ROR2: variants seen among roughly 807,000 people sequenced by gnomAD.
ROR2 encodes the protein ROR family WNT receptor 2, also known as tyrosine-protein kinase transmembrane receptor ROR2.
Under a neutral mutation model 74.9 loss-of-function variants are expected in ROR2, and 33 were observed. The ratio of observed to expected loss-of-function variants is 0.44; its 90% CI spans 0.33 to 0.59. The LOEUF (loss-of-function observed/expected upper bound fraction) is 0.59, where lower values mean the gene tolerates loss of function less well. Among genes scored for constraint, ROR2 ranks in the 20% least tolerant of loss-of-function variants. The pLI is 0.02. For missense variants in ROR2, 1,216 were observed against 1,313.8 expected (o/e 0.93, Z 1.15); for synonymous variants, 586 against 558.7 (o/e 1.05, Z -0.69).
chr9:91,756,419 C>T (rs558464550), intron 3 of ROR2, among the ~76,000 whole-genome samples: 6 of 152,174 alleles, frequency 3.9e-5, no homozygotes, highest in African/African-American at 4.8e-5. Flanking sequence ...GTGGCAGGGC[C>T]GGGGCGTTTG....
At chr9:91,749,148 C>A (rs1825527849) in intron 4 of ROR2, among the ~76,000 whole-genome samples, 1 of 152,158 alleles carries the variant, frequency 6.6e-6, no homozygotes, top group Non-Finnish European at 1.5e-5. Context: ...AATTCTAATA[C>A]AAAGATATAA....
intron 4 of ROR2, among the ~76,000 whole-genome samples, chr9:91,745,010 A>C (rs1022090446): frequency 2.6e-5 from 4 of 152,182 alleles, no homozygotes; most frequent in African/African-American, 9.7e-5. Context: ...GAAACAAAAC[A>C]ACCTAAAGCG....
intron 1 of ROR2, among the ~76,000 whole-genome samples, chr9:91,836,669 G>C (rs970841608): frequency 6.6e-6 from 1 of 152,246 alleles, no homozygotes; most frequent in Admixed American, 6.5e-5. Flanking sequence ...CCCCGGTCTG[G>C]GGGCTGTGCC....
In ROR2 at chr9:91,723,200, C is replaced by CGATGAAGCAGAAATGAG. The variant is rs1392330403; in HGVS notation, c.*461_*462insCTCATTTCTGCTTCATC. On this transcript the variant is annotated 3_prime_UTR_variant, in exon 9 of 9. Transcript: ENST00000375708. ...GCAGGGAGGCAGCAGAAATGGAGCCCCTTCATCCTCAAACCAACAGACCAG... is the reference window on the plus strand; with the variant it reads ...GCAGGGAGGCAGCAGAAATGGAGCCCGATGAAGCAGAAATGAGCTTCATCCTCAAACCAACAGACCAG... 158 of 165,274 alleles carry CGATGAAGCAGAAATGAG rather than the reference C, an allele frequency of 9.6e-4. No individual in the cohort carries two copies. In the East Asian group the frequency reaches 0.016, roughly 17 times the overall value. 10.2% of individuals were successfully genotyped at this position (165,274 alleles called of 1,614,324 possible).
At chr9:91,929,876 C>A (rs1831506191) in intron 1 of ROR2, among the ~76,000 whole-genome samples, 2 of 152,044 alleles carry the variant, frequency 1.3e-5, no homozygotes, top group Admixed American at 1.3e-4. Context: ...CAGAGTTTTC[C>A]CCGGGACCTG....
At chr9:91,945,427 C>A (rs927219999) in intron 1 of ROR2, among the ~76,000 whole-genome samples, 4 of 152,170 alleles carry the variant, frequency 2.6e-5, no homozygotes, top group Non-Finnish European at 4.4e-5. Flanking sequence ...AACCCTCCCC[C>A]ACTCCAGGAG....
chr9:91,892,712 C>T (rs1048500889), intron 1 of ROR2, among the ~76,000 whole-genome samples: 1 of 151,630 alleles, frequency 6.6e-6, no homozygotes, highest in Non-Finnish European at 1.5e-5. Flanking sequence ...GCCTCAGCCC[C>T]CTGAGTAGCT....
chr9:91,893,774 C>T (rs999634913), intron 1 of ROR2, among the ~76,000 whole-genome samples: 1 of 152,100 alleles, frequency 6.6e-6, no homozygotes, highest in African/African-American at 2.4e-5. Flanking sequence ...CCATCCAATC[C>T]GAGCCACCAT....
At position 91,723,845 on chromosome 9, in the gene ROR2, C is replaced by G. The variant is rs373037095; in HGVS notation, c.2649G>C (p.Met883Ile). ...YVTTAPSNTS[M>I]ADRAALLSEG... The stretch of plus-strand genomic sequence containing the variant: ...CTGAGAGCAGGGCTGCCCTGTCTGC[C>G]ATGGATGTGTTGGAGGGGGCCGTGG... The change falls in exon 9 of 9, where the codon ATG becomes ATC. Residue 883 changes from methionine (M) to isoleucine (I), a missense_variant. By Grantham distance (10) the Met-to-Ile change is conservative. Transcript: ENST00000375708. The G allele has an allele frequency of 1.9e-6, 3 of 1,614,034 alleles. No homozygotes were observed. The highest frequency in any genetic ancestry group is 1.7e-6 in the Non-Finnish European group (2 of 1,180,010).
chr9:91,826,141 T>C (rs1828282392), intron 1 of ROR2, among the ~76,000 whole-genome samples: 1 of 152,192 alleles, frequency 6.6e-6, no homozygotes, highest in African/African-American at 2.4e-5. Flanking sequence ...CTACCCAGGA[T>C]ACTCCCAAGA....
At chr9:91,806,691 G>A (rs1827559240) in intron 1 of ROR2, among the ~76,000 whole-genome samples, 1 of 152,120 alleles carries the variant, frequency 6.6e-6, no homozygotes, top group Non-Finnish European at 1.5e-5. Context: ...CCGGGTTCAC[G>A]CCATTCTCCT....
At chr9:91,898,875 G>T (rs1830602333) in intron 1 of ROR2, among the ~76,000 whole-genome samples, 1 of 152,234 alleles carries the variant, frequency 6.6e-6, no homozygotes, top group Non-Finnish European at 1.5e-5. Flanking sequence ...TTCCACGCTT[G>T]GCACACAGCT....
Position 91,724,497 on chromosome 9 carries a change from T to C in ROR2, c.1997A>G (p.Tyr666Cys), listed in dbSNP as rs1463489541. The C allele has an allele frequency of 9.3e-6, 15 of 1,614,022 alleles. 1 individual carries two copies. Among genetic ancestry groups the C allele is most frequent in the Admixed American group, 6.7e-5 (4 of 60,002 alleles). Residue 666 changes from tyrosine (Y) to cysteine (C), a missense_variant, in exon 9 of 9, where the codon TAC (tyrosine) becomes TGC (cysteine). Tyr to Cys is a radical substitution (Grantham distance 194). Coordinates refer to ENST00000375708, the MANE Select transcript of ROR2 (RefSeq NM_004560.4). ...IRWMAPEAIM[Y>C]GKFSIDSDIW... ...GTCTGAGTCGATGGAGAACTTGCCG[T>C]ACATGATGGCCTCTGGGGCCATCCA...
chr9:91,902,856 G>A (rs1226722790), intron 1 of ROR2, among the ~76,000 whole-genome samples: 1 of 152,192 alleles, frequency 6.6e-6, no homozygotes, highest in Non-Finnish European at 1.5e-5. Context: ...GCCAGTCACA[G>A]AAGGACATAG....
Position 91,731,167 on chromosome 9 carries a change from A to G in ROR2, c.938-12T>C. On this transcript the variant is annotated splice_polypyrimidine_tract_variant and intron_variant, in intron 6 of 8. Transcript: ENST00000375708. ...ATAGCACTGATGGTCTGAACAAGGA[A>G]AACACGTTAGGAAAACCTCCGGGGT... The G allele has an allele frequency of 6.2e-7, 1 of 1,613,964 alleles. No individual in the cohort carries two copies. The highest frequency in any genetic ancestry group is 8.5e-7 in the Non-Finnish European group (1 of 1,180,036).
chr9:91,742,173 A>C (rs971881845), intron 4 of ROR2, among the ~76,000 whole-genome samples: 24 of 152,192 alleles, frequency 1.6e-4, no homozygotes, highest in Admixed American at 5.2e-4. Flanking sequence ...AATGAGGAAG[A>C]AGCAAAAGTG....
At position 91,893,983 on chromosome 9, in the gene ROR2, GT is replaced by G. The variant is rs912570514; in HGVS notation, c.97+55883del. Among the ~76,000 whole-genome samples, 4 of 151,956 alleles carry G rather than the reference GT, an allele frequency of 2.6e-5. No individual in the cohort carries two copies. In the South Asian group the frequency reaches 6.2e-4, roughly 24 times the overall value. On this transcript the variant is annotated intron_variant, in intron 1 of 8. Coordinates refer to ENST00000375708, the MANE Select transcript of ROR2 (RefSeq NM_004560.4). ...TGAAACTCTGTACCCATCAGAGGGT[GT>G]TTTTTTTAGCATAAAACTAAGTCAC...
At chr9:91,768,247 G>T (rs1056189968) in intron 2 of ROR2, among the ~76,000 whole-genome samples, 8 of 152,194 alleles carry the variant, frequency 5.3e-5, no homozygotes, top group African/African-American at 1.7e-4. Flanking sequence ...ATGTCTTAAG[G>T]CACCTCGTCT....
At chr9:91,828,093 T>C (rs1171542386) in intron 1 of ROR2, among the ~76,000 whole-genome samples, 1 of 152,270 alleles carries the variant, frequency 6.6e-6, no homozygotes, top group Non-Finnish European at 1.5e-5. Flanking sequence ...TTTTAAATGT[T>C]TGCTACCTTC....
Sources: gnomAD v4.1 joint callset for allele counts (sites outside exome capture counted in the v4.1 genomes callset) on GRCh38, gnomAD v4.1.1 for gene constraint, MANE v1.5 for transcripts, NCBI Gene and HGNC (gene_info 2026-07-23, HGNC 2026-07-21) for gene names.